The following GPX6 variants were observed in gnomAD, a reference collection of about 807,000 sequenced individuals.
GPX6 encodes the protein glutathione peroxidase 6 (olfactory).
In GPX6, 21 loss-of-function variants were observed where a neutral mutation model predicts 20.0. The ratio of observed to expected loss-of-function variants is 1.05; its 90% CI spans 0.74 to 1.51. The LOEUF is 1.51. GPX6 is among the 40% of genes most tolerant of loss of function. GPX6 has a pLI of 0.00. For missense variants in GPX6, 233 were observed against 254.7 expected, an observed-to-expected ratio of 0.91 and a Z score of 0.58; for synonymous variants, 75 against 98.0, an observed-to-expected ratio of 0.77 and a Z score of 1.38.
intron 2 of GPX6, 61 bp downstream of exon 2, chr6:28,510,690 G>A: frequency 6.5e-7 from 1 of 1,547,426 alleles, no homozygotes; most frequent in Non-Finnish European, 8.8e-7. Context: ...AAACCTTCTG[G>A]AATTAGAATA....
intron 4 of GPX6, 51 bp downstream of exon 4, chr6:28,505,652 T>C: frequency 2.1e-6 from 3 of 1,439,902 alleles, no homozygotes; most frequent in Non-Finnish European, 2.9e-6. Context: ...GCCCCACTGC[T>C]TTCAGAGCAT....
At chr6:28,515,576 G>A in intron 1 of GPX6, 81 bp downstream of exon 1, 1 of 999,866 alleles carries the variant, frequency 1.0e-6, no homozygotes, top group South Asian at 1.3e-5. Flanking sequence ...AAAGGGGAGA[G>A]TAGAGAACTC....
At chr6:28,508,720 T>C (rs2078422) in intron 2 of GPX6, among the ~76,000 whole-genome samples, 4,486 of 151,588 alleles carry the variant, frequency 0.03, 146 homozygotes, top group African/African-American at 0.08. Flanking sequence ...GGCAAGAGAA[T>C]AGCTTGAATC....
chr6:28,511,633 C>G (rs942390350), intron 1 of GPX6, among the ~76,000 whole-genome samples: 4 of 152,272 alleles, frequency 2.6e-5, no homozygotes, highest in Non-Finnish European at 5.9e-5. Context: ...ACTGGCTGGA[C>G]GTGGAGAGCA....
chr6:28,508,571 T>G (rs182215642), intron 2 of GPX6, among the ~76,000 whole-genome samples: 9 of 151,824 alleles, frequency 5.9e-5, no homozygotes, highest in African/African-American at 1.9e-4. Flanking sequence ...TTTGGGAGAT[T>G]GAAGCAGTTG....
At chr6:28,512,240 A>C (rs1379733452) in intron 1 of GPX6, among the ~76,000 whole-genome samples, 4 of 152,256 alleles carry the variant, frequency 2.6e-5, no homozygotes, top group Non-Finnish European at 4.4e-5. Context: ...GGCTGAAGCC[A>C]GCTGGGCTCC....
chr6:28,504,049 A>ACACACC lies in GPX6; in HGVS notation c.*242_*243insGGTGTG, dbSNP rs1491011531. On this transcript the variant is annotated 3_prime_UTR_variant, in exon 5 of 5. Transcript: ENST00000361902. ...CACACACACACACACACACACACAC[A>ACACACC]CCATACATACACCTATGCATATACC... 2.0e-6 allele frequency: 1 copy of ACACACC among 509,184 alleles called. No homozygotes were observed. Among genetic ancestry groups the ACACACC allele is most frequent in the South Asian group, 2.6e-5 (1 of 37,744 alleles). 31.5% of individuals were successfully genotyped at this position (509,184 alleles called of 1,614,324 possible).
chr6:28,510,353 C>G (rs899411491), intron 2 of GPX6, among the ~76,000 whole-genome samples: 28 of 152,198 alleles, frequency 1.8e-4, no homozygotes, highest in Admixed American at 1.7e-3. Context: ...GGCATCCAAT[C>G]CAGAACAGAA....
chr6:28,513,455 G>C (rs1274090868), intron 1 of GPX6, among the ~76,000 whole-genome samples: 1 of 152,176 alleles, frequency 6.6e-6, no homozygotes, highest in Non-Finnish European at 1.5e-5. Flanking sequence ...GGGAACTGAA[G>C]CAGCGAGCCA....
At chr6:28,515,373 A>C (rs722788) in intron 1 of GPX6, among the ~76,000 whole-genome samples, 23,894 of 152,150 alleles carry the variant, frequency 0.16, 2,182 homozygotes, top group African/African-American at 0.23. Context: ...TCAAGGGGCC[A>C]CCAGGGGGAA....
chr6:28,513,082 A>C (rs1283308543), intron 1 of GPX6, among the ~76,000 whole-genome samples: 1 of 152,226 alleles, frequency 6.6e-6, no homozygotes, highest in African/African-American at 2.4e-5. Flanking sequence ...GCGGAAGGAC[A>C]TGGAGTTTGG....
intron 1 of GPX6, among the ~76,000 whole-genome samples, chr6:28,514,053 G>T (rs557750439): frequency 6.6e-6 from 1 of 152,214 alleles, no homozygotes. Flanking sequence ...TCATCTATAT[G>T]CCTGCATTCG....
At chr6:28,512,760 A>G (rs1348667719) in intron 1 of GPX6, among the ~76,000 whole-genome samples, 2 of 152,160 alleles carry the variant, frequency 1.3e-5, no homozygotes, top group African/African-American at 2.4e-5. Flanking sequence ...GAAGGTCTAC[A>G]GCTTCACTCC....
chr6:28,515,237 A>G (rs1357944364), intron 1 of GPX6, among the ~76,000 whole-genome samples: 1 of 152,196 alleles, frequency 6.6e-6, no homozygotes, highest in African/African-American at 2.4e-5. Flanking sequence ...CTGGCTGAGC[A>G]GCCTCTCCAG....
chr6:28,504,096 C>CCGTACA lies in GPX6; in HGVS notation c.*195_*196insTGTACG, dbSNP rs1448715598. The CCGTACA allele has an allele frequency of 5.6e-4, 297 of 528,562 alleles. 1 individual carries two copies. Among genetic ancestry groups the CCGTACA allele is most frequent in the South Asian group, 5.6e-3 (236 of 42,176 alleles). 32.7% of individuals were successfully genotyped at this position (528,562 alleles called of 1,614,324 possible). The stretch of plus-strand genomic sequence containing the variant: ...TACCAACAAATACAATTCTACATAT[C>CCGTACA]CATACACACACACACACACACACAC... On this transcript the variant is annotated 3_prime_UTR_variant, in exon 5 of 5. Coordinates refer to ENST00000361902, the MANE Select transcript of GPX6 (RefSeq NM_182701.1).
At chr6:28,511,654 G>A (rs1025113063) in intron 1 of GPX6, among the ~76,000 whole-genome samples, 2 of 152,296 alleles carry the variant, frequency 1.3e-5, no homozygotes, top group African/African-American at 2.4e-5. Flanking sequence ...ATGCACCATC[G>A]TGGTGAGAGG....
At chr6:28,515,347 G>A (rs535473280) in intron 1 of GPX6, among the ~76,000 whole-genome samples, 1 of 152,186 alleles carries the variant, frequency 6.6e-6, no homozygotes, top group Non-Finnish European at 1.5e-5. Flanking sequence ...GCATGAAGGG[G>A]ACAGGCTCTA....
chr6:28,508,071 A>G (rs548045803), intron 2 of GPX6, among the ~76,000 whole-genome samples: 3 of 152,370 alleles, frequency 2.0e-5, no homozygotes, highest in African/African-American at 7.2e-5. Context: ...CCTAAAGAGA[A>G]GGGAACATGG....
intron 2 of GPX6, among the ~76,000 whole-genome samples, chr6:28,507,342 C>G (rs748212175): frequency 2.3e-4 from 35 of 152,194 alleles, no homozygotes; most frequent in Non-Finnish European, 1.5e-5. Flanking sequence ...AAACTCATCT[C>G]TCTCTTATCT....
Sources: allele counts gnomAD v4.1 joint callset (sites outside exome capture counted in the v4.1 genomes callset), GRCh38; gene constraint gnomAD v4.1.1; transcripts MANE v1.5; gene names NCBI Gene and HGNC (gene_info 2026-07-23, HGNC 2026-07-21).